The following TRPC5 variants were observed in gnomAD, a reference collection of about 807,000 sequenced individuals.
The protein encoded by TRPC5 is short transient receptor potential channel 5.
A neutral mutation model predicts 56.5 loss-of-function variants in TRPC5; 9 were observed. The ratio of observed to expected loss-of-function variants is 0.16; its 90% CI spans 0.10 to 0.28. The LOEUF is 0.28. Among genes scored for constraint, TRPC5 ranks in the 10% least tolerant of loss-of-function variants. TRPC5 has a pLI of 1.00. For synonymous variants in TRPC5, 282 were observed against 278.5 expected (o/e 1.01, Z -0.13); for missense variants, 469 against 748.9 (o/e 0.63, Z 4.36).
At chrX:111,985,628 G>T (rs1021858266) in intron 1 of TRPC5, among the ~76,000 whole-genome samples, 1 of 111,842 alleles carries the variant, frequency 8.9e-6, no homozygotes, top group Non-Finnish European at 1.9e-5. Context: ...GCTAAAGTCA[G>T]AAAATTGATT....
intron 1 of TRPC5, among the ~76,000 whole-genome samples, chrX:112,016,763 T>G (rs1371107833): frequency 9.0e-6 from 1 of 111,380 alleles, no homozygotes; most frequent in Admixed American, 9.5e-5. Flanking sequence ...TAATGTAAAC[T>G]ATCCAAATTT....
intron 2 of TRPC5, among the ~76,000 whole-genome samples, chrX:111,941,046 C>A (rs184274694): frequency 8.9e-6 from 1 of 112,204 alleles, no homozygotes; most frequent in Admixed American, 9.5e-5. Flanking sequence ...ATGTTGCTTG[C>A]ATGTTTTGCC....
chrX:111,855,509 C>T (rs764452136), intron 3 of TRPC5, among the ~76,000 whole-genome samples: 3 of 111,872 alleles, frequency 2.7e-5, no homozygotes, highest in South Asian at 7.6e-4. Flanking sequence ...TGGACTGTTA[C>T]GTCACGGAGA....
chrX:112,052,789 C>G (rs1450623771), intron 1 of TRPC5, among the ~76,000 whole-genome samples: 5 of 111,473 alleles, frequency 4.5e-5, no homozygotes, highest in Non-Finnish European at 9.4e-5. Flanking sequence ...AATTTTTGTA[C>G]TTGGTGTAAG....
intron 2 of TRPC5, 104 bp downstream of exon 2, chrX:111,951,939 G>C (rs1408342832): frequency 2.9e-5 from 31 of 1,071,725 alleles, no homozygotes; most frequent in Non-Finnish European, 3.7e-5. Flanking sequence ...TTCTGAGATA[G>C]GGCATCTCAA....
intron 1 of TRPC5, among the ~76,000 whole-genome samples, chrX:111,962,323 G>C (rs986662677): frequency 8.9e-6 from 1 of 112,284 alleles, no homozygotes; most frequent in Non-Finnish European, 1.9e-5. Flanking sequence ...CTCTCATATA[G>C]TCTTAAGATT....
chrX:111,810,737 T>A (rs1381249825), intron 7 of TRPC5, among the ~76,000 whole-genome samples: 1 of 111,777 alleles, frequency 8.9e-6, no homozygotes, highest in Non-Finnish European at 1.9e-5. Context: ...CAATCACATT[T>A]TTAAGAAGAA....
intron 1 of TRPC5, among the ~76,000 whole-genome samples, chrX:111,979,477 A>G (rs1928020850): frequency 9.0e-6 from 1 of 111,384 alleles, no homozygotes; most frequent in Admixed American, 9.6e-5. Flanking sequence ...GATTAATCAC[A>G]CTCCATCAAA....
chrX:112,072,105 C>T (rs1392971354), intron 1 of TRPC5, among the ~76,000 whole-genome samples: 1 of 112,074 alleles, frequency 8.9e-6, no homozygotes, highest in Non-Finnish European at 1.9e-5. Context: ...TCTAAGACTA[C>T]TAACACTCAC....
chrX:111,926,775 T>C (rs1397001336), intron 2 of TRPC5, among the ~76,000 whole-genome samples: 1 of 112,180 alleles, frequency 8.9e-6, no homozygotes, highest in Non-Finnish European at 1.9e-5. Flanking sequence ...AGCTATTAAA[T>C]GGAGGAGCCA....
chrX:111,964,779 G>A (rs1370354995), intron 1 of TRPC5, among the ~76,000 whole-genome samples: 1 of 111,299 alleles, frequency 9.0e-6, no homozygotes, highest in Non-Finnish European at 1.9e-5. Context: ...AATGCTGAGA[G>A]ATTTTGTCAC....
At chrX:112,050,834 G>T in intron 1 of TRPC5, among the ~76,000 whole-genome samples, 1 of 112,211 alleles carries the variant, frequency 8.9e-6, no homozygotes, top group Non-Finnish European at 1.9e-5. Context: ...GACTCACAGA[G>T]CCCATCAGCT....
chrX:111,944,707 A>G (rs976730456), intron 2 of TRPC5, among the ~76,000 whole-genome samples: 1 of 111,544 alleles, frequency 9.0e-6, no homozygotes, highest in Non-Finnish European at 1.9e-5. Context: ...GAAGAAAACT[A>G]CAGAGACACA....
At chrX:111,826,487 A>G (rs1410541174) in intron 7 of TRPC5, among the ~76,000 whole-genome samples, 1 of 112,410 alleles carries the variant, frequency 8.9e-6, no homozygotes, top group Non-Finnish European at 1.9e-5. Flanking sequence ...GATTCCAGAC[A>G]ATGGTTTGGC....
intron 1 of TRPC5, among the ~76,000 whole-genome samples, chrX:112,056,030 A>T (rs1299022370): frequency 9.0e-6 from 1 of 111,725 alleles, no homozygotes; most frequent in Non-Finnish European, 1.9e-5. Flanking sequence ...AGGAAGTTGC[A>T]GTGATACCTG....
intron 1 of TRPC5, among the ~76,000 whole-genome samples, chrX:111,974,003 T>C (rs916455600): frequency 1.8e-5 from 2 of 112,002 alleles, no homozygotes; most frequent in African/African-American, 6.5e-5. Context: ...ATGAGGAAAA[T>C]ATTAATAATG....
In TRPC5 at chrX:111,773,757, T is replaced by G. The variant is rs997549548; in HGVS notation, c.*2556A>C. 6.3e-5 allele frequency among the ~76,000 whole-genome samples: 7 copies of G among 111,473 alleles called. No individual in the cohort carries two copies. Among genetic ancestry groups the G allele is most frequent in the African/African-American group, 2.3e-4 (7 of 30,691 alleles). ...GAGTAGATCCTTTATAAAGTTCTCT[T>G]TTAGTTCTTTTTATGTTTATAAATT... On this transcript the variant is annotated 3_prime_UTR_variant, in exon 11 of 11. Coordinates refer to ENST00000262839, the MANE Select transcript of TRPC5 (RefSeq NM_012471.3).
At chrX:111,887,451 C>T (rs987943801) in intron 3 of TRPC5, among the ~76,000 whole-genome samples, 2 of 111,868 alleles carry the variant, frequency 1.8e-5, no homozygotes, top group African/African-American at 6.5e-5. Flanking sequence ...AGGGCATGTC[C>T]CCTTCCTAAC....
chrX:111,990,818 C>T (rs1458719256), intron 1 of TRPC5, among the ~76,000 whole-genome samples: 1 of 111,905 alleles, frequency 8.9e-6, no homozygotes, highest in Non-Finnish European at 1.9e-5. Flanking sequence ...TATTTCCCAC[C>T]ATGGCATACT....
Sources: gnomAD v4.1 joint callset for allele counts (sites outside exome capture counted in the v4.1 genomes callset) on GRCh38, gnomAD v4.1.1 for gene constraint, MANE v1.5 for transcripts, NCBI Gene and HGNC (gene_info 2026-07-23, HGNC 2026-07-21) for gene names.